The following CYP20A1 variants were observed in gnomAD, a reference collection of about 807,000 sequenced individuals.
The protein encoded by CYP20A1 is cytochrome P450 family 20 subfamily A member 1.
In CYP20A1, 61 loss-of-function variants were observed where a neutral mutation model predicts 61.4. The ratio of observed to expected loss-of-function variants is 0.99; its 90% confidence interval spans 0.81 to 1.23. The LOEUF (loss-of-function observed/expected upper bound fraction) is 1.23. Among genes scored for constraint, CYP20A1 ranks in the 50% most tolerant of loss-of-function variants. The pLI is 0.00. For synonymous variants in CYP20A1, 193 were observed against 188.2 expected (o/e 1.03, Z -0.21); for missense variants, 530 against 542.4 (o/e 0.98, Z 0.23).
chr2:203,264,540 C>T (rs1323225351), intron 4 of CYP20A1, among the ~76,000 whole-genome samples: 3 of 151,952 alleles, frequency 2.0e-5, no homozygotes, highest in Non-Finnish European at 2.9e-5. Flanking sequence ...TGGAGGATTT[C>T]TCCTGGGACT....
rs974760084 is a variant in CYP20A1, at chr2:203,294,206, G to A, written c.1148+1880G>A. Among the ~76,000 whole-genome samples, 67 of 151,356 alleles carry A rather than the reference G, an allele frequency of 4.4e-4. 1 individual carries two copies. The highest frequency in any genetic ancestry group is 3.5e-3 in the Admixed American group (53 of 15,158). On this transcript the variant is annotated intron_variant, in intron 11 of 12. Coordinates refer to ENST00000356079, the MANE Select transcript of CYP20A1 (RefSeq NM_177538.3). Reference sequence around the variant, plus strand: ...TTTATTTTTTTCGAGACAGAATCTCGCTCTATTGCCAGGCTGGTCTTGGAA... The same window carrying A: ...TTTATTTTTTTCGAGACAGAATCTCACTCTATTGCCAGGCTGGTCTTGGAA...
intron 8 of CYP20A1, 45 bp from the exon 9 acceptor site, chr2:203,285,567 A>G (rs749641647): frequency 2.0e-6 from 3 of 1,488,872 alleles, no homozygotes; most frequent in East Asian, 2.4e-5. Context: ...TACCCAAGCC[A>G]TGAGTTAGCT....
chr2:203,278,421 A>G (rs1575238083), intron 6 of CYP20A1, 152 bp from the exon 7 acceptor site: 1 of 448,300 alleles, frequency 2.2e-6, no homozygotes, highest in African/African-American at 2.0e-5. Context: ...AAGGAAGAAA[A>G]TGATGAGTTT....
intron 1 of CYP20A1, among the ~76,000 whole-genome samples, chr2:203,241,394 A>G (rs182727591): frequency 6.6e-6 from 1 of 152,330 alleles, no homozygotes; most frequent in Admixed American, 6.5e-5. Context: ...CTATCAATGT[A>G]TAGATGGTAT....
At chr2:203,281,309 C>G (rs886182220) in intron 8 of CYP20A1, among the ~76,000 whole-genome samples, 44 of 152,108 alleles carry the variant, frequency 2.9e-4, no homozygotes, top group African/African-American at 9.4e-4. Context: ...AAATTTGGGA[C>G]CAGCCTGGGC....
At chr2:203,254,339 G>A (rs1351319082) in intron 4 of CYP20A1, among the ~76,000 whole-genome samples, 1 of 152,060 alleles carries the variant, frequency 6.6e-6, no homozygotes, top group Non-Finnish European at 1.5e-5. Context: ...GAGGTCAGGA[G>A]TTCGAGACTG....
chr2:203,274,554 G>A (rs760024205), intron 6 of CYP20A1, among the ~76,000 whole-genome samples: 17 of 152,004 alleles, frequency 1.1e-4, no homozygotes, highest in Non-Finnish European at 2.4e-4. Flanking sequence ...AAATACAGAG[G>A]CTGCATTAGA....
intron 1 of CYP20A1, among the ~76,000 whole-genome samples, chr2:203,243,235 C>T (rs773124108): frequency 3.9e-5 from 6 of 151,974 alleles, no homozygotes; most frequent in Non-Finnish European, 7.4e-5. Context: ...CCTTCACCTT[C>T]CGGGTTCAAG....
chr2:203,279,677 T>G lies in CYP20A1; in HGVS notation c.796-382T>G, dbSNP rs542854636. ...AGATCTTCTGTCCTATTTCTGAGGC[T>G]TCATTGCTGTTTACTAGGCTAAGCC... On this transcript the variant is annotated intron_variant, in intron 7 of 12. Coordinates refer to ENST00000356079, the MANE Select transcript of CYP20A1 (RefSeq NM_177538.3). 8.5e-5 allele frequency among the ~76,000 whole-genome samples: 13 copies of G among 152,328 alleles called. 1 individual carries two copies. The South Asian group carries it at 2.7e-3, about 32-fold the overall frequency.
At chr2:203,256,049 A>C (rs370134136) in intron 4 of CYP20A1, among the ~76,000 whole-genome samples, 4 of 152,220 alleles carry the variant, frequency 2.6e-5, no homozygotes, top group Admixed American at 1.3e-4. Flanking sequence ...CTGTAGCCTC[A>C]AATTCCTGGG....
Position 203,252,066 on chromosome 2 carries a change from G to C in CYP20A1, c.389G>C (p.Gly130Ala). 6.2e-7 allele frequency: 1 copy of C among 1,609,886 alleles called. No homozygotes were observed. The highest frequency in any genetic ancestry group is 8.5e-7 in the Non-Finnish European group (1 of 1,177,830). The change falls in exon 4 of 13, where the codon GGT (glycine) becomes GCT (alanine). Residue 130 changes from glycine to alanine, a missense_variant. Gly to Ala is a moderately conservative substitution (Grantham distance 60). Coordinates refer to ENST00000356079, the MANE Select transcript of CYP20A1 (RefSeq NM_177538.3). ...NHMRKKLYEN[G>A]VTDSLKSNFA... ...ATGAGGAAAAAATTGTATGAAAATGGTGTGACTGATTCTCTGAAGAGTAAC... is the reference window on the plus strand; with the variant it reads ...ATGAGGAAAAAATTGTATGAAAATGCTGTGACTGATTCTCTGAAGAGTAAC...
At chr2:203,248,908 G>A (rs978784983) in intron 3 of CYP20A1, among the ~76,000 whole-genome samples, 4 of 152,032 alleles carry the variant, frequency 2.6e-5, no homozygotes, top group Non-Finnish European at 5.9e-5. Context: ...ATGAGGTCTT[G>A]CTACGTTGCC....
At chr2:203,292,462 T>A in intron 11 of CYP20A1, 136 bp downstream of exon 11, 1 of 631,988 alleles carries the variant, frequency 1.6e-6, no homozygotes, top group South Asian at 1.9e-5. Context: ...AATCCCCTTT[T>A]CTTCTCTTTC....
rs111507504 is a variant in CYP20A1, at chr2:203,298,283, A to G, written c.*1375A>G. The G allele has an allele frequency of 4.9e-4, 87 of 179,152 alleles. 1 individual carries two copies. The highest frequency in any genetic ancestry group is 2.4e-3 in the Middle Eastern group (1 of 422). 11.1% of individuals were successfully genotyped at this position (179,152 alleles called of 1,614,324 possible). On this transcript the variant is annotated 3_prime_UTR_variant, in exon 13 of 13. Transcript: ENST00000356079. The stretch of plus-strand genomic sequence containing the variant: ...CACACCTGTAGTCCCAGCTGTTCTG[A>G]AGGCTGAGGTGGGAGGATCACTTGA...
intron 9 of CYP20A1, among the ~76,000 whole-genome samples, chr2:203,286,896 A>G (rs959431765): frequency 9.9e-5 from 15 of 151,974 alleles, no homozygotes; most frequent in African/African-American, 3.6e-4. Flanking sequence ...AAGCAACCCT[A>G]TCTTGGAGCA....
chr2:203,288,085 A>T (rs1417539156), intron 9 of CYP20A1, among the ~76,000 whole-genome samples: 4 of 53,388 alleles, frequency 7.5e-5, no homozygotes, highest in African/African-American at 1.5e-4. Context: ...TTTTTTTTTC[A>T]GATGCAGTCC....
chr2:203,277,525 T>TA (rs956432821), intron 6 of CYP20A1, among the ~76,000 whole-genome samples: 12 of 151,978 alleles, frequency 7.9e-5, no homozygotes, highest in African/African-American at 2.9e-4. Flanking sequence ...TATTTAGAGA[T>TA]AAATAAAATA....
At position 203,266,817 on chromosome 2, in the gene CYP20A1, C is replaced by T. The variant is rs2067342338; in HGVS notation, c.600+136C>T. ...CCCACATGGTAAAAACGTGTCTCTA[C>T]TAAAAATACAAAAATCAGCTGGGTG... On this transcript the variant is annotated intron_variant, in intron 5 of 12. Transcript: ENST00000356079. 4 of 695,940 alleles carry T rather than the reference C, an allele frequency of 5.7e-6. No individual in the cohort carries two copies. In the South Asian group the frequency reaches 7.5e-5, roughly 13 times the overall value. The allele number at this position is 695,940 out of a possible 1,614,324, so 43.1% of individuals were successfully genotyped here. A position where few individuals can be genotyped will look rare whatever the true frequency, so the allele number is the denominator to read the frequency against.
At chr2:203,272,202 A>T (rs1162098338) in intron 5 of CYP20A1, among the ~76,000 whole-genome samples, 1 of 152,172 alleles carries the variant, frequency 6.6e-6, no homozygotes, top group Non-Finnish European at 1.5e-5. Context: ...GGAGTAAAGG[A>T]TTGTGCAGCC....
Sources: allele counts gnomAD v4.1 joint callset (sites outside exome capture counted in the v4.1 genomes callset), GRCh38; gene constraint gnomAD v4.1.1; transcripts MANE v1.5; gene names NCBI Gene and HGNC (gene_info 2026-07-23, HGNC 2026-07-21).